The following YEATS2 variants were observed in gnomAD, a reference collection of about 807,000 sequenced individuals.
YEATS2 encodes YEATS domain containing 2, also known as YEATS domain-containing protein 2.
In YEATS2, 77 loss-of-function variants were observed where a neutral mutation model predicts 163.2. The observed-to-expected ratio is 0.47, with a 90% CI of 0.39 to 0.57. The LOEUF (loss-of-function observed/expected upper bound fraction) is 0.57. Among genes scored for constraint, YEATS2 ranks in the 20% least tolerant of loss-of-function variants. The pLI, the probability that YEATS2 is intolerant of heterozygous loss-of-function variation, is 0.00. For missense variants in YEATS2, 1,549 were observed against 1,729.8 expected, an observed-to-expected ratio of 0.90 and a Z score of 1.85; for synonymous variants, 631 against 645.1, an observed-to-expected ratio of 0.98 and a Z score of 0.33.
chr3:183,788,599 G>A (rs1043830917), intron 20 of YEATS2, among the ~76,000 whole-genome samples: 3 of 152,188 alleles, frequency 2.0e-5, no homozygotes, highest in Non-Finnish European at 4.4e-5. Flanking sequence ...GAATAGTGCC[G>A]TAATAAACAT....
chr3:183,711,648 A>G (rs1715232281), intron 1 of YEATS2, among the ~76,000 whole-genome samples: 1 of 152,076 alleles, frequency 6.6e-6, no homozygotes, highest in African/African-American at 2.4e-5. Flanking sequence ...TTTTAAGATT[A>G]GTGATATAAC....
At chr3:183,785,709 C>T (rs992649706) in intron 19 of YEATS2, among the ~76,000 whole-genome samples, 5 of 152,022 alleles carry the variant, frequency 3.3e-5, no homozygotes, top group Non-Finnish European at 7.4e-5. Context: ...TTCTCCAGTA[C>T]TAAAATGCTA....
chr3:183,802,510 T>TGTATAC (rs1242653618), intron 25 of YEATS2: 2 of 150,698 alleles, frequency 1.3e-5, no homozygotes, highest in East Asian at 3.9e-4. Flanking sequence ...TGTGTGTGTG[T>TGTATAC]ATACATGTAT....
rs1725577299 is a variant in YEATS2 at position 183,800,587 on chromosome 3, C to G, written c.3428+19C>G. The G allele has an allele frequency of 6.2e-7, 1 of 1,603,178 alleles. No homozygotes were observed. The highest frequency in any genetic ancestry group is 1.3e-5 in the African/African-American group (1 of 74,712). ...TCATTAAGTAATTCTTCCAATCTTT[C>G]CTAAAGGAATTCCGCTTCGGGTGTT... On this transcript the variant is annotated intron_variant, in intron 24 of 30. Coordinates refer to ENST00000305135, the MANE Select transcript of YEATS2 (RefSeq NM_018023.5).
intron 8 of YEATS2, among the ~76,000 whole-genome samples, chr3:183,741,939 T>G (rs1719017998): frequency 6.6e-6 from 1 of 151,744 alleles, no homozygotes; most frequent in Non-Finnish European, 1.5e-5. Flanking sequence ...CCAGGCACAG[T>G]GGCTCATGCC....
At chr3:183,735,308 G>T (rs1056474947) in intron 7 of YEATS2, among the ~76,000 whole-genome samples, 49 of 152,142 alleles carry the variant, frequency 3.2e-4, no homozygotes, top group African/African-American at 1.1e-3. Context: ...AGTCCACCAT[G>T]CCTCTAGGCT....
At chr3:183,757,894 G>C (rs1229231746) in intron 12 of YEATS2, among the ~76,000 whole-genome samples, 1 of 151,950 alleles carries the variant, frequency 6.6e-6, no homozygotes, top group African/African-American at 2.4e-5. Flanking sequence ...CCAAATAGGT[G>C]TTATTTCATG....
chr3:183,703,355 A>C (rs563938702), intron 1 of YEATS2, among the ~76,000 whole-genome samples: 87 of 152,348 alleles, frequency 5.7e-4, no homozygotes, highest in African/African-American at 1.9e-3. Flanking sequence ...TAGAATAATT[A>C]GCATAGCATT....
chr3:183,708,955 T>A (rs764883651), intron 1 of YEATS2, among the ~76,000 whole-genome samples: 6 of 151,942 alleles, frequency 3.9e-5, no homozygotes, highest in Non-Finnish European at 7.4e-5. Flanking sequence ...AGGTCAGAGA[T>A]TCGAGACCAG....
At chr3:183,749,918 C>A (rs376839417) in intron 9 of YEATS2, among the ~76,000 whole-genome samples, 1 of 152,026 alleles carries the variant, frequency 6.6e-6, no homozygotes, top group Non-Finnish European at 1.5e-5. Context: ...CCCGGGTTCA[C>A]GCCATTCTCC....
At chr3:183,779,951 C>G (rs1723398936) in intron 19 of YEATS2, among the ~76,000 whole-genome samples, 1 of 151,282 alleles carries the variant, frequency 6.6e-6, no homozygotes, top group East Asian at 1.9e-4. Context: ...CCGCCTCGGC[C>G]TCCCAATGAA....
chr3:183,804,065 C>G lies in YEATS2; in HGVS notation c.3661C>G (p.Leu1221Val), dbSNP rs1725944381. 6.2e-7 allele frequency: 1 copy of G among 1,614,004 alleles called. No homozygotes were observed. Among genetic ancestry groups the G allele is most frequent in the African/African-American group, 1.3e-5 (1 of 74,896 alleles). ...KNPRFHHLTP[L>V]KTKHIAHWCR... ...TCCGAGATTTCACCACCTGACTCCC[C>G]TCAAAACCAAGCACATCGCTCACTG... The change falls in exon 27 of 31, where the codon CTC becomes GTC. Residue 1221 changes from leucine to valine, a missense_variant. Coordinates refer to ENST00000305135, the MANE Select transcript of YEATS2 (RefSeq NM_018023.5).
chr3:183,766,135 G>A (rs1721881261), intron 15 of YEATS2, among the ~76,000 whole-genome samples: 1 of 152,190 alleles, frequency 6.6e-6, no homozygotes, highest in Non-Finnish European at 1.5e-5. Context: ...GAAGCAGTGT[G>A]TTAAAGTAGA....
intron 13 of YEATS2, 27 bp from the exon 14 acceptor site, chr3:183,761,480 G>C (rs143744957): frequency 1.9e-6 from 3 of 1,587,258 alleles, no homozygotes; most frequent in Non-Finnish European, 2.6e-6. Flanking sequence ...TCTCCTGATT[G>C]TAAAATATGT....
intron 1 of YEATS2, among the ~76,000 whole-genome samples, chr3:183,706,646 G>A (rs1714646725): frequency 2.6e-5 from 4 of 152,092 alleles, no homozygotes; most frequent in African/African-American, 7.2e-5. Context: ...GAGAAACCCC[G>A]TCTCTACTAA....
At chr3:183,756,109 T>C (rs1412953801) in intron 11 of YEATS2, among the ~76,000 whole-genome samples, 1 of 152,170 alleles carries the variant, frequency 6.6e-6, no homozygotes, top group Non-Finnish European at 1.5e-5. Flanking sequence ...AGCCTGCCTA[T>C]GGTGTTAAAA....
At chr3:183,736,103 G>A (rs555764084) in intron 7 of YEATS2, among the ~76,000 whole-genome samples, 87 of 151,874 alleles carry the variant, frequency 5.7e-4, no homozygotes, top group Non-Finnish European at 1.8e-4. Flanking sequence ...ATCAATTCCC[G>A]CCCCTCCTTT....
chr3:183,791,103 G>T (rs149791409), intron 21 of YEATS2, 123 bp downstream of exon 21: 2 of 1,300,112 alleles, frequency 1.5e-6, no homozygotes, highest in Non-Finnish European at 2.1e-6. Flanking sequence ...TCACAATCTC[G>T]ACTCACTGCA....
chr3:183,743,795 A>G (rs958567872), intron 8 of YEATS2, among the ~76,000 whole-genome samples: 3 of 152,182 alleles, frequency 2.0e-5, no homozygotes, highest in Admixed American at 6.5e-5. Context: ...GGTTTATCAC[A>G]TTGTTCCCAC....
Sources: allele counts gnomAD v4.1 joint callset (sites outside exome capture counted in the v4.1 genomes callset), GRCh38; gene constraint gnomAD v4.1.1; transcripts MANE v1.5; gene names NCBI Gene and HGNC (gene_info 2026-07-23, HGNC 2026-07-21).